Variants in NKAIN3 observed in about 807,000 individuals in gnomAD.
NKAIN3 encodes the protein sodium/potassium-transporting ATPase subunit beta-1-interacting protein 3.
In NKAIN3, 25 loss-of-function variants were observed where a neutral mutation model predicts 30.2. That is an observed-to-expected ratio of 0.83 (90% CI 0.60 to 1.16). The LOEUF (loss-of-function observed/expected upper bound fraction) is 1.16, where lower values mean the gene tolerates loss of function less well. Among genes scored for constraint, NKAIN3 ranks in the 50% most tolerant of loss-of-function variants. The pLI is 0.00. For synonymous variants in NKAIN3, 91 were observed against 89.6 expected (o/e 1.02, Z -0.09); for missense variants, 225 against 254.1 (o/e 0.89, Z 0.78).
intron 1 of NKAIN3, among the ~76,000 whole-genome samples, chr8:62,487,246 C>T (rs976851151): frequency 2.6e-5 from 4 of 152,184 alleles, no homozygotes; most frequent in Non-Finnish European, 5.9e-5. Flanking sequence ...TTCTGACACA[C>T]TAAATTCTGT....
intron 4 of NKAIN3, among the ~76,000 whole-genome samples, chr8:62,893,041 T>C (rs1029639824): frequency 4.6e-5 from 7 of 152,176 alleles, no homozygotes; most frequent in African/African-American, 1.7e-4. Context: ...TTTTTTCACA[T>C]AGCTATCGAG....
intron 4 of NKAIN3, among the ~76,000 whole-genome samples, chr8:62,747,892 C>A (rs532211354): frequency 2.3e-4 from 35 of 152,292 alleles, no homozygotes; most frequent in African/African-American, 7.2e-4. Flanking sequence ...TTCTGTTCAA[C>A]TGAGCTTAGC....
intron 1 of NKAIN3, among the ~76,000 whole-genome samples, chr8:62,306,838 G>C (rs561893538): frequency 6.7e-6 from 1 of 149,420 alleles, no homozygotes; most frequent in Non-Finnish European, 1.5e-5. Flanking sequence ...CAAACTTCCT[G>C]GTTCTGATCT....
At chr8:62,801,138 C>T (rs1157403470) in intron 4 of NKAIN3, among the ~76,000 whole-genome samples, 1 of 152,210 alleles carries the variant, frequency 6.6e-6, no homozygotes, top group East Asian at 1.9e-4. Context: ...TGGAGCCCAC[C>T]ACAGCTCAAG....
intron 1 of NKAIN3, among the ~76,000 whole-genome samples, chr8:62,311,832 A>T (rs1438510205): frequency 6.7e-6 from 1 of 150,322 alleles, no homozygotes; most frequent in Non-Finnish European, 1.5e-5. Flanking sequence ...CCTTTCCCAC[A>T]TCTGAACTCT....
intron 1 of NKAIN3, among the ~76,000 whole-genome samples, chr8:62,429,964 C>T (rs1231981250): frequency 1.3e-5 from 2 of 151,812 alleles, no homozygotes; most frequent in Non-Finnish European, 2.9e-5. Flanking sequence ...TCTTGTAAAA[C>T]TGAAACAGTA....
intron 1 of NKAIN3, among the ~76,000 whole-genome samples, chr8:62,428,476 T>C (rs925151535): frequency 1.3e-5 from 2 of 151,928 alleles, no homozygotes; most frequent in African/African-American, 4.8e-5. Flanking sequence ...AGTGTTCAAG[T>C]GTTCCCCTTT....
At chr8:62,870,738 T>TATATCTAG (rs1464318522) in intron 4 of NKAIN3, among the ~76,000 whole-genome samples, 1 of 96,124 alleles carries the variant, frequency 1.0e-5, no homozygotes, top group East Asian at 2.3e-4. Flanking sequence ...TATATCTATA[T>TATATCTAG]ATATCTAGAT....
intron 4 of NKAIN3, among the ~76,000 whole-genome samples, chr8:62,897,981 G>C (rs967712399): frequency 3.3e-5 from 5 of 152,140 alleles, no homozygotes; most frequent in African/African-American, 1.2e-4. Context: ...AAACTACCTA[G>C]TCTCAGGTAT....
chr8:62,527,430 A>G (rs2129816240), intron 1 of NKAIN3, among the ~76,000 whole-genome samples: 1 of 152,306 alleles, frequency 6.6e-6, no homozygotes, highest in South Asian at 2.1e-4. Context: ...CAGACCAGAT[A>G]ACCTCATAAA....
intron 4 of NKAIN3, among the ~76,000 whole-genome samples, chr8:62,865,733 A>AAAT (rs1460347210): frequency 6.6e-6 from 1 of 152,358 alleles, no homozygotes; most frequent in African/African-American, 2.4e-5. Context: ...AATAGCAAGG[A>AAAT]AATATGCAAT....
intron 4 of NKAIN3, among the ~76,000 whole-genome samples, chr8:62,896,891 A>T (rs1390410396): frequency 3.3e-5 from 5 of 152,194 alleles, no homozygotes; most frequent in Non-Finnish European, 7.3e-5. Context: ...CAGAAGGCAG[A>T]TTGCAATGAA....
chr8:62,545,467 G>A (rs1310603503), intron 1 of NKAIN3, among the ~76,000 whole-genome samples: 1 of 152,138 alleles, frequency 6.6e-6, no homozygotes, highest in African/African-American at 2.4e-5. Flanking sequence ...TACTCAGGAG[G>A]CTGAGGTAGG....
intron 1 of NKAIN3, among the ~76,000 whole-genome samples, chr8:62,373,277 CAAATGAATA>C (rs1483741099): frequency 6.6e-6 from 1 of 152,118 alleles, no homozygotes; most frequent in Non-Finnish European, 1.5e-5. Flanking sequence ...GCTGTACCAT[CAAATGAATA>C]AAATATGTGT....
At chr8:62,881,802 A>G (rs551593438) in intron 4 of NKAIN3, among the ~76,000 whole-genome samples, 1 of 152,344 alleles carries the variant, frequency 6.6e-6, no homozygotes, top group African/African-American at 2.4e-5. Context: ...GTTTTCTAAG[A>G]AACTGCCAAA....
intron 6 of NKAIN3, among the ~76,000 whole-genome samples, chr8:62,958,398 G>T (rs1466547030): frequency 1.3e-5 from 2 of 151,988 alleles, no homozygotes; most frequent in African/African-American, 4.8e-5. Flanking sequence ...CTGCTATCGA[G>T]GGAGGTATAA....
At chr8:62,917,388 G>A (rs1439598567) in intron 4 of NKAIN3, among the ~76,000 whole-genome samples, 1 of 152,174 alleles carries the variant, frequency 6.6e-6, no homozygotes, top group Non-Finnish European at 1.5e-5. Context: ...CAGCACCCTG[G>A]CAGATTTCTC....
chr8:62,534,477 C>T (rs928516536), intron 1 of NKAIN3, among the ~76,000 whole-genome samples: 5 of 152,156 alleles, frequency 3.3e-5, no homozygotes, highest in Admixed American at 1.3e-4. Flanking sequence ...TTTTGAACAT[C>T]ATTAAATGTA....
At chr8:62,815,080 T>A (rs1818631521) in intron 4 of NKAIN3, among the ~76,000 whole-genome samples, 1 of 152,248 alleles carries the variant, frequency 6.6e-6, no homozygotes, top group Admixed American at 6.5e-5. Context: ...CATCAGAGAA[T>A]ACTATAAATA....
Sources: allele counts gnomAD v4.1 joint callset (sites outside exome capture counted in the v4.1 genomes callset), GRCh38; gene constraint gnomAD v4.1.1; transcripts MANE v1.5; gene names NCBI Gene and HGNC (gene_info 2026-07-23, HGNC 2026-07-21).